The following CDK19 variants were observed in gnomAD, a reference collection of about 807,000 sequenced individuals.
The protein encoded by CDK19 is cyclin dependent kinase 19.
In CDK19, 20 loss-of-function variants were observed where a neutral mutation model predicts 68.3. That is an observed-to-expected ratio of 0.29 (90% CI 0.21 to 0.43). The LOEUF is 0.43. Among genes scored for constraint, CDK19 ranks in the 20% least tolerant of loss-of-function variants. The probability of loss-of-function intolerance (pLI) is 1.00; values close to 1 mark genes in which losing one functional copy is unlikely to be tolerated. For missense variants in CDK19, 339 were observed against 623.5 expected (o/e 0.54, Z 4.86); for synonymous variants, 221 against 222.8 (o/e 0.99, Z 0.07).
At chr6:110,799,896 C>T (rs1782229991) in intron 1 of CDK19, among the ~76,000 whole-genome samples, 1 of 152,200 alleles carries the variant, frequency 6.6e-6, no homozygotes, top group Non-Finnish European at 1.5e-5. Flanking sequence ...AGCCACAGCA[C>T]CTGACCTTGA....
chr6:110,682,109 T>C (rs1772067670), intron 2 of CDK19, among the ~76,000 whole-genome samples: 1 of 152,220 alleles, frequency 6.6e-6, no homozygotes, highest in African/African-American at 2.4e-5. Flanking sequence ...GGTCCCTGAC[T>C]CCTTTTTCAA....
intron 1 of CDK19, among the ~76,000 whole-genome samples, chr6:110,795,456 C>T (rs555574032): frequency 6.6e-6 from 1 of 152,242 alleles, no homozygotes; most frequent in African/African-American, 2.4e-5. Flanking sequence ...AGAAACAGCT[C>T]TAATTACTAT....
intron 2 of CDK19, among the ~76,000 whole-genome samples, chr6:110,690,276 A>G (rs544041410): frequency 1.3e-5 from 2 of 151,674 alleles, no homozygotes; most frequent in African/African-American, 4.8e-5. Flanking sequence ...ACTCCTCTCT[A>G]CTCAGAACAT....
chr6:110,648,965 G>C (rs1011810622), intron 4 of CDK19, among the ~76,000 whole-genome samples: 2 of 151,980 alleles, frequency 1.3e-5, no homozygotes, highest in Non-Finnish European at 1.5e-5. Context: ...GATCCGCTCG[G>C]CCTCCCAAAG....
intron 2 of CDK19, among the ~76,000 whole-genome samples, chr6:110,682,448 G>C (rs1272144219): frequency 6.6e-6 from 1 of 152,140 alleles, no homozygotes; most frequent in African/African-American, 2.4e-5. Flanking sequence ...TTTGAAAGTT[G>C]ACACTTTCAC....
intron 2 of CDK19, among the ~76,000 whole-genome samples, chr6:110,717,412 T>C (rs1316129734): frequency 1.3e-5 from 2 of 152,152 alleles, no homozygotes; most frequent in African/African-American, 2.4e-5. Context: ...AACTGACAGG[T>C]AGTACATACA....
intron 12 of CDK19, among the ~76,000 whole-genome samples, chr6:110,616,040 T>C (rs1010479620): frequency 6.6e-6 from 1 of 152,148 alleles, no homozygotes; most frequent in Non-Finnish European, 1.5e-5. Flanking sequence ...CCTAGACCCC[T>C]GCCCACCAAA....
chr6:110,667,188 T>C (rs1160697470), intron 4 of CDK19, among the ~76,000 whole-genome samples: 3 of 152,204 alleles, frequency 2.0e-5, no homozygotes, highest in Admixed American at 2.0e-4. Flanking sequence ...CAGTAATCAT[T>C]TGTTCAAAAT....
At chr6:110,804,123 T>A (rs567729929) in intron 1 of CDK19, among the ~76,000 whole-genome samples, 3 of 151,748 alleles carry the variant, frequency 2.0e-5, no homozygotes, top group Non-Finnish European at 4.4e-5. Flanking sequence ...CATGAATAGG[T>A]TTTGTTCTAT....
At chr6:110,787,334 A>T (rs1348690988) in intron 1 of CDK19, among the ~76,000 whole-genome samples, 2 of 152,106 alleles carry the variant, frequency 1.3e-5, no homozygotes, top group African/African-American at 4.8e-5. Flanking sequence ...AGATTGTGCC[A>T]CTGCATTCCA....
intron 2 of CDK19, among the ~76,000 whole-genome samples, chr6:110,717,162 G>A (rs73526592): frequency 0.16 from 23,816 of 151,620 alleles, 2,086 homozygotes; most frequent in East Asian, 0.32. Context: ...TAAATAGAAC[G>A]TATGAGTTTT....
At chr6:110,622,675 G>A in intron 10 of CDK19, 140 bp downstream of exon 10, 1 of 614,060 alleles carries the variant, frequency 1.6e-6, no homozygotes, top group Non-Finnish European at 2.9e-6. Context: ...TTCAAAATGT[G>A]GAAGCTTGCT....
chr6:110,617,275 CA>C (rs1778375948), intron 12 of CDK19, among the ~76,000 whole-genome samples: 1 of 152,192 alleles, frequency 6.6e-6, no homozygotes, highest in Non-Finnish European at 1.5e-5. Context: ...AATGATCTGG[CA>C]TATCCTGTCT....
At chr6:110,617,662 T>TGCACAC (rs1778409728) in intron 12 of CDK19, among the ~76,000 whole-genome samples, 2 of 107,158 alleles carry the variant, frequency 1.9e-5, no homozygotes, top group Admixed American at 2.1e-4. Flanking sequence ...TATATATATA[T>TGCACAC]ACACACACAC....
intron 2 of CDK19, 142 bp from the exon 3 acceptor site, chr6:110,670,683 A>C (rs1373833057): frequency 1.1e-5 from 7 of 658,750 alleles, no homozygotes; most frequent in Non-Finnish European, 1.7e-5. Context: ...ACCACCCAAA[A>C]TACTGGCATT....
chr6:110,808,472 A>G (rs901027142), intron 1 of CDK19, among the ~76,000 whole-genome samples: 3 of 152,222 alleles, frequency 2.0e-5, no homozygotes, highest in African/African-American at 7.2e-5. Context: ...ATGCTTTGGC[A>G]CTACAATAGA....
intron 1 of CDK19, among the ~76,000 whole-genome samples, chr6:110,766,861 A>G (rs571517321): frequency 3.2e-4 from 48 of 152,078 alleles, no homozygotes; most frequent in Non-Finnish European, 5.7e-4. Flanking sequence ...AAGGCTGGGC[A>G]TGGTGGCTCA....
chr6:110,731,858 C>T (rs552329009), intron 2 of CDK19, among the ~76,000 whole-genome samples: 1 of 152,208 alleles, frequency 6.6e-6, no homozygotes, highest in African/African-American at 2.4e-5. Context: ...AATCATGTAT[C>T]TCTTCATAAA....
chr6:110,691,949 C>A (rs1016130024), intron 2 of CDK19, among the ~76,000 whole-genome samples: 1 of 150,946 alleles, frequency 6.6e-6, no homozygotes, highest in Non-Finnish European at 1.5e-5. Flanking sequence ...CCCGGCCCCC[C>A]ATCTCTATTT....
Sources: allele counts gnomAD v4.1 joint callset (sites outside exome capture counted in the v4.1 genomes callset), GRCh38; gene constraint gnomAD v4.1.1; transcripts MANE v1.5; gene names NCBI Gene and HGNC (gene_info 2026-07-23, HGNC 2026-07-21).